The following YPEL5 variants were observed in gnomAD, a reference collection of about 807,000 sequenced individuals.
The protein encoded by YPEL5 is yippee like 5, also known as protein yippee-like 5.
YPEL5 carries 1 observed loss-of-function variant against 10.5 expected under a neutral mutation model. The observed-to-expected ratio is 0.10, with a 90% confidence interval of 0.03 to 0.45. YPEL5 has a LOEUF of 0.45. Ranked by LOEUF, YPEL5 falls within the 20% of genes least tolerant of loss-of-function variation. The pLI is 0.97. For missense variants in YPEL5, 68 were observed against 159.3 expected (o/e 0.43, Z 3.09); for synonymous variants, 61 against 56.6 (o/e 1.08, Z -0.35).
intron 1 of YPEL5, chr2:30,156,383 C>G: frequency 2.7e-6 from 1 of 371,464 alleles, no homozygotes; most frequent in Non-Finnish European, 4.9e-6. Context: ...ATTCTTTGGC[C>G]TTGGCTAATA....
chr2:30,150,897 A>T (rs1248410293), intron 1 of YPEL5, among the ~76,000 whole-genome samples: 1 of 152,230 alleles, frequency 6.6e-6, no homozygotes, highest in Non-Finnish European at 1.5e-5. Context: ...AGTAAAGTGT[A>T]AACAAATGGG....
intron 1 of YPEL5, among the ~76,000 whole-genome samples, chr2:30,151,735 G>T (rs780516181): frequency 2.6e-5 from 4 of 152,102 alleles, no homozygotes; most frequent in Non-Finnish European, 5.9e-5. Context: ...CTATAAACTT[G>T]AACTTCAGCA....
At chr2:30,155,460 A>G (rs950778995) in intron 1 of YPEL5, among the ~76,000 whole-genome samples, 2 of 151,742 alleles carry the variant, frequency 1.3e-5, no homozygotes, top group Non-Finnish European at 2.9e-5. Flanking sequence ...TGCATTCTGG[A>G]TTTTTTTTTC....
At position 30,156,459 on chromosome 2, in the gene YPEL5, G is replaced by A. The variant is rs1676043206; in HGVS notation, c.-24-169G>A. On this transcript the variant is annotated intron_variant, in intron 1 of 2. Transcript: ENST00000261353. ...TTAGGCATGCCTGTTTATTTGTTCAGTGTGTGAACTTTGGATCTTTTTGTT... is the reference window on the plus strand; with the variant it reads ...TTAGGCATGCCTGTTTATTTGTTCAATGTGTGAACTTTGGATCTTTTTGTT... 4 of 611,696 alleles carry A rather than the reference G, an allele frequency of 6.5e-6. 1 individual carries two copies. The highest frequency in any genetic ancestry group is 6.0e-5 in the Admixed American group (2 of 33,126). 37.9% of individuals were successfully genotyped at this position (611,696 alleles called of 1,614,324 possible). A position where few individuals can be genotyped will look rare whatever the true frequency, so the allele number is the denominator to read the frequency against.
chr2:30,152,293 G>T (rs1422872552), intron 1 of YPEL5, among the ~76,000 whole-genome samples: 2 of 152,120 alleles, frequency 1.3e-5, no homozygotes, highest in Non-Finnish European at 2.9e-5. Context: ...TATTTTTGTA[G>T]CTCTATGTAG....
intron 1 of YPEL5, among the ~76,000 whole-genome samples, chr2:30,153,709 T>C (rs184772692): frequency 8.5e-5 from 13 of 152,254 alleles, no homozygotes; most frequent in African/African-American, 3.1e-4. Flanking sequence ...TTCTAACTTA[T>C]CTTTCTTAGC....
At chr2:30,154,314 G>A (rs776876999) in intron 1 of YPEL5, among the ~76,000 whole-genome samples, 10 of 152,164 alleles carry the variant, frequency 6.6e-5, no homozygotes, top group Non-Finnish European at 1.3e-4. Context: ...CTGCTCACAG[G>A]TTTGTTGAGT....
At position 30,159,516 on chromosome 2, in the gene YPEL5, C is replaced by T. The variant is rs539925211; in HGVS notation, c.*673C>T. The stretch of plus-strand genomic sequence containing the variant: ...TGCTGGGTTGTCTTTTTCCATGTAA[C>T]TTAAGCATAGTAATATAAATAAAGT... On this transcript the variant is annotated 3_prime_UTR_variant, in exon 3 of 3. Transcript: ENST00000261353. The T allele has an allele frequency of 4.2e-4, 64 of 152,736 alleles. No individual in the cohort carries two copies. The highest frequency in any genetic ancestry group is 1.4e-3 in the African/African-American group (60 of 41,566). The allele number at this position is 152,736 out of a possible 1,614,324, so 9.5% of individuals were successfully genotyped here.
Position 30,158,796 on chromosome 2 carries a change from CGA to C in YPEL5, c.325_326del (p.Ser109Ter). Reference protein sequence around the residue: ...GRVILERALVRESEGFEEHVP... With the variant: ...GRVILERALVXESEGFEEHVP... The stretch of plus-strand genomic sequence containing the variant: ...CGTGATCCTGGAACGTGCTCTAGTT[CGA>C]GAGAGTGAGGGCTTTGAGGAGCATG... On this transcript the variant is annotated frameshift_variant, in exon 3 of 3. Transcript: ENST00000261353. LOFTEE classifies it high-confidence loss of function. The C allele has an allele frequency of 6.2e-7, 1 of 1,614,104 alleles. No homozygotes were observed. The highest frequency in any genetic ancestry group is 8.5e-7 in the Non-Finnish European group (1 of 1,180,010).
At chr2:30,157,416 T>C (rs1346293194) in intron 2 of YPEL5, among the ~76,000 whole-genome samples, 2 of 152,208 alleles carry the variant, frequency 1.3e-5, no homozygotes, top group African/African-American at 4.8e-5. Flanking sequence ...TCTCCACATG[T>C]CACTGGTTTA....
At position 30,160,082 on chromosome 2, in the gene YPEL5, C is replaced by G. The variant is rs1676216737; in HGVS notation, c.*1239C>G. The G allele has an allele frequency of 6.6e-6, 1 of 152,596 alleles. No individual in the cohort carries two copies. The highest frequency in any genetic ancestry group is 1.5e-5 in the Non-Finnish European group (1 of 68,032). 9.5% of individuals were successfully genotyped at this position (152,596 alleles called of 1,614,324 possible). A position where few individuals can be genotyped will look rare whatever the true frequency, so the allele number is the denominator to read the frequency against. On this transcript the variant is annotated 3_prime_UTR_variant, in exon 3 of 3. Transcript: ENST00000261353. ...ATATTAAAATGTAAATGTTTCTTTA[C>G]CCAAACTACTTCTAGATATTCTAGT...
chr2:30,147,348 G>A (rs1489247189), intron 1 of YPEL5, among the ~76,000 whole-genome samples: 1 of 149,208 alleles, frequency 6.7e-6, no homozygotes, highest in East Asian at 2.0e-4. Flanking sequence ...CCGGGCGACC[G>A]GTGCGACAAC....
intron 2 of YPEL5, among the ~76,000 whole-genome samples, chr2:30,157,637 G>A (rs1186974340): frequency 1.3e-5 from 2 of 152,176 alleles, no homozygotes; most frequent in Non-Finnish European, 2.9e-5. Context: ...CCGTGATTCT[G>A]CCTCCCGGAA....
chr2:30,154,318 G>T (rs1052430236), intron 1 of YPEL5, among the ~76,000 whole-genome samples: 1 of 152,196 alleles, frequency 6.6e-6, no homozygotes, highest in African/African-American at 2.4e-5. Flanking sequence ...TCACAGGTTT[G>T]TTGAGTGTTT....
At chr2:30,152,611 G>C (rs577131044) in intron 1 of YPEL5, among the ~76,000 whole-genome samples, 1 of 152,308 alleles carries the variant, frequency 6.6e-6, no homozygotes, top group East Asian at 1.9e-4. Flanking sequence ...AAATCTGATA[G>C]CCCTCTAATC....
intron 1 of YPEL5, chr2:30,147,966 G>C (rs1417947046): frequency 2.0e-5 from 3 of 152,092 alleles, no homozygotes; most frequent in Non-Finnish European, 4.4e-5. Flanking sequence ...CGGCTGCCGG[G>C]TGAGCCCACC....
chr2:30,150,991 C>T (rs1034100540), intron 1 of YPEL5, among the ~76,000 whole-genome samples: 4 of 152,130 alleles, frequency 2.6e-5, no homozygotes, highest in African/African-American at 9.7e-5. Context: ...CTCCCCCCAA[C>T]CATTTAAAAG....
chr2:30,152,939 G>A (rs1189233711), intron 1 of YPEL5, among the ~76,000 whole-genome samples: 2 of 138,356 alleles, frequency 1.4e-5, no homozygotes, highest in Admixed American at 7.7e-5. Flanking sequence ...CTCATTCTGT[G>A]GCCCAGGCTG....
At position 30,158,839 on chromosome 2, in the gene YPEL5, C is replaced by G. The variant is rs528828815; in HGVS notation, c.362C>G (p.Ser121Cys). ...GFEEHVPSDN[S>C] ...GAGGAGCATGTACCATCTGATAACT[C>G]TTGAAGATACAGAGAGAAATCCATC... The change falls in exon 3 of 3, where the codon TCT becomes TGT. Residue 121 changes from serine to cysteine, a missense_variant. This residue lies in a region of YPEL5 where 20 missense variants were observed against 21.0 expected (regional missense o/e 0.95). Transcript: ENST00000261353. The G allele has an allele frequency of 1.2e-6, 2 of 1,613,880 alleles. No individual in the cohort carries two copies. The highest frequency in any genetic ancestry group is 1.3e-5 in the African/African-American group (1 of 75,024).
Sources: allele counts gnomAD v4.1 joint callset (sites outside exome capture counted in the v4.1 genomes callset), GRCh38; gene constraint gnomAD v4.1.1; regional missense constraint gnomAD v4.1.1; transcripts MANE v1.5; gene names NCBI Gene and HGNC (gene_info 2026-07-23, HGNC 2026-07-21).